The following IPCEF1 variants were observed in gnomAD, a reference collection of about 807,000 sequenced individuals.
The protein encoded by IPCEF1 is interaction protein for cytohesin exchange factors 1.
In IPCEF1, 31 loss-of-function variants were observed where a neutral mutation model predicts 50.9. That is an observed-to-expected ratio of 0.61 (90% CI 0.46 to 0.82). The LOEUF is 0.82. IPCEF1 is among the 40% of genes least tolerant of loss of function. IPCEF1 has a pLI of 0.00. For synonymous variants in IPCEF1, 181 were observed against 192.0 expected, an observed-to-expected ratio of 0.94 and a Z score of 0.47; for missense variants, 458 against 514.0, an observed-to-expected ratio of 0.89 and a Z score of 1.05.
At chr6:154,198,242 G>GT (rs1776781037) in intron 10 of IPCEF1, among the ~76,000 whole-genome samples, 1 of 152,108 alleles carries the variant, frequency 6.6e-6, no homozygotes, top group Non-Finnish European at 1.5e-5. Context: ...ACTCAATTCT[G>GT]TGCTTCCAAG....
chr6:154,260,511 C>A (rs1279461845), intron 3 of IPCEF1, among the ~76,000 whole-genome samples: 3 of 147,586 alleles, frequency 2.0e-5, no homozygotes, highest in Non-Finnish European at 4.4e-5. Context: ...CTCTCTCTAT[C>A]CCCCAGGCTA....
At chr6:154,231,212 A>G (rs1779690866) in intron 5 of IPCEF1, among the ~76,000 whole-genome samples, 1 of 152,236 alleles carries the variant, frequency 6.6e-6, no homozygotes. Context: ...TAAAATAGAA[A>G]GTAAAAGTAA....
chr6:154,222,735 A>G (rs777410554), intron 6 of IPCEF1, among the ~76,000 whole-genome samples: 2 of 152,218 alleles, frequency 1.3e-5, no homozygotes, highest in Non-Finnish European at 1.5e-5. Context: ...AAGACATCTC[A>G]GAAAATTCAA....
At chr6:154,299,658 C>T (rs568008480) in intron 1 of IPCEF1, among the ~76,000 whole-genome samples, 1 of 140,090 alleles carries the variant, frequency 7.1e-6, no homozygotes, top group South Asian at 2.2e-4. Context: ...GGGCTTAATA[C>T]CTAGGTGATG....
intron 5 of IPCEF1, among the ~76,000 whole-genome samples, chr6:154,232,491 GTAT>G (rs955713672): frequency 1.3e-4 from 20 of 152,242 alleles, no homozygotes; most frequent in African/African-American, 4.6e-4. Context: ...AGCTAGCCTG[GTAT>G]TATACCATGG....
intron 1 of IPCEF1, among the ~76,000 whole-genome samples, chr6:154,309,447 A>G (rs1003338234): frequency 3.3e-5 from 5 of 152,134 alleles, no homozygotes; most frequent in African/African-American, 1.2e-4. Flanking sequence ...TCACATCCCC[A>G]ATACATCCTG....
chr6:154,324,807 C>T (rs1042128865), intron 1 of IPCEF1, among the ~76,000 whole-genome samples: 3 of 151,518 alleles, frequency 2.0e-5, no homozygotes, highest in Non-Finnish European at 2.9e-5. Flanking sequence ...GATTCTGTCT[C>T]GAAACAAACA....
intron 10 of IPCEF1, among the ~76,000 whole-genome samples, chr6:154,192,318 C>CTGTGTGTTTG (rs374502866): frequency 0.29 from 43,411 of 148,006 alleles, 6,600 homozygotes; most frequent in Middle Eastern, 0.37. Context: ...CACGTGGTTA[C>CTGTGTGTTTG]TGTGTGTGTG....
At chr6:154,295,022 G>C (rs1018855048) in intron 1 of IPCEF1, among the ~76,000 whole-genome samples, 5 of 152,154 alleles carry the variant, frequency 3.3e-5, no homozygotes, top group East Asian at 1.9e-4. Flanking sequence ...CACGGTGAAA[G>C]CCCGTCTCTA....
intron 1 of IPCEF1, among the ~76,000 whole-genome samples, chr6:154,298,658 T>G (rs1004305343): frequency 2.0e-5 from 3 of 152,100 alleles, no homozygotes; most frequent in African/African-American, 7.2e-5. Flanking sequence ...AATGAGTAAC[T>G]CTTATATAGG....
At chr6:154,322,442 A>G (rs1464414533) in intron 1 of IPCEF1, among the ~76,000 whole-genome samples, 2 of 152,158 alleles carry the variant, frequency 1.3e-5, no homozygotes, top group Non-Finnish European at 2.9e-5. Flanking sequence ...GTGCTATCAC[A>G]TACTTCTGCT....
chr6:154,278,614 C>T (rs995682479), intron 2 of IPCEF1, among the ~76,000 whole-genome samples: 2 of 152,140 alleles, frequency 1.3e-5, no homozygotes, highest in African/African-American at 2.4e-5. Context: ...ACATCACATG[C>T]TTGATGGTGA....
chr6:154,197,458 G>C (rs1042793593), intron 10 of IPCEF1, among the ~76,000 whole-genome samples: 9 of 152,144 alleles, frequency 5.9e-5, no homozygotes, highest in African/African-American at 2.2e-4. Context: ...TATGAGAACT[G>C]CCAACAAATC....
intron 9 of IPCEF1, among the ~76,000 whole-genome samples, chr6:154,208,606 C>T (rs1411493923): frequency 6.6e-6 from 1 of 152,214 alleles, no homozygotes; most frequent in South Asian, 2.1e-4. Context: ...AGAATGCTGG[C>T]TCTCAATAAA....
chr6:154,260,348 C>T lies in IPCEF1; in HGVS notation c.36+5564G>A, dbSNP rs576189867. On this transcript the variant is annotated intron_variant, in intron 3 of 11. Transcript: ENST00000367220. ...GAAAACATTTTAGGAGCTTTGGGTA[C>T]AGGAACTATGTATAACAGTAAAAGA... 2.0e-5 allele frequency among the ~76,000 whole-genome samples: 3 copies of T among 152,250 alleles called. No homozygotes were observed. The South Asian group carries it at 6.2e-4, about 32-fold the overall frequency.
At position 154,159,102 on chromosome 6, in the gene IPCEF1, A is replaced by G. The variant is rs1483284583; in HGVS notation, c.*726T>C. 6.6e-6 allele frequency: 1 copy of G among 152,328 alleles called. No individual in the cohort carries two copies. Among genetic ancestry groups the G allele is most frequent in the African/African-American group, 2.4e-5 (1 of 41,462 alleles). 9.4% of individuals were successfully genotyped at this position (152,328 alleles called of 1,614,324 possible). A position where few individuals can be genotyped will look rare whatever the true frequency, so the allele number is the denominator to read the frequency against. ...TTGAGTAGGAAAGCTCAAAGGAAGTAGAGGTCTCCAATTGTGATGAGATGT... is the reference window on the plus strand; with the variant it reads ...TTGAGTAGGAAAGCTCAAAGGAAGTGGAGGTCTCCAATTGTGATGAGATGT... On this transcript the variant is annotated 3_prime_UTR_variant, in exon 12 of 12. Transcript: ENST00000367220.
intron 10 of IPCEF1, among the ~76,000 whole-genome samples, chr6:154,186,970 A>G (rs942011728): frequency 1.3e-5 from 2 of 151,998 alleles, no homozygotes; most frequent in Non-Finnish European, 2.9e-5. Flanking sequence ...CACCGCCTAC[A>G]TGGCCCTACA....
rs13218693 is a variant in IPCEF1 at position 154,303,548 on chromosome 6, A to G, written c.-61-13792T>C. ...TGGCTCATTCACCCTTCTCCTTTTTATCATTTGTTTTGAAGAGAACTAACA... is the reference window on the plus strand; with the variant it reads ...TGGCTCATTCACCCTTCTCCTTTTTGTCATTTGTTTTGAAGAGAACTAACA... On this transcript the variant is annotated intron_variant, in intron 1 of 11. Coordinates refer to ENST00000367220, the MANE Select transcript of IPCEF1 (RefSeq NM_001130700.2). Among the ~76,000 whole-genome samples the G allele has an allele frequency of 4.6e-3, 701 of 152,262 alleles. 3 individuals carry two copies. Among genetic ancestry groups the G allele is most frequent in the Admixed American group, 6.3e-3 (96 of 15,280 alleles).
intron 2 of IPCEF1, among the ~76,000 whole-genome samples, chr6:154,286,839 G>A (rs1000349020): frequency 2.0e-5 from 3 of 152,242 alleles, no homozygotes; most frequent in Non-Finnish European, 2.9e-5. Context: ...GGCCAGGGCC[G>A]ATGACAAGAT....
Sources: gnomAD v4.1 joint callset for allele counts (sites outside exome capture counted in the v4.1 genomes callset) on GRCh38, gnomAD v4.1.1 for gene constraint, MANE v1.5 for transcripts, NCBI Gene and HGNC (gene_info 2026-07-23, HGNC 2026-07-21) for gene names.